Variants in ARK2N observed in about 807,000 individuals in gnomAD.
ARK2N encodes protein ARK2N.
At chr18:46,188,565 C>T in the ARK2N span, among the ~76,000 whole-genome samples, 14 of 151,980 alleles carry the variant, frequency 9.2e-5, no homozygotes, top group Admixed American at 4.6e-4. Context: ...ACGCTGGTCT[C>T]GAACTCCTGA....
At chr18:46,209,399 TC>T in the ARK2N span, among the ~76,000 whole-genome samples, 2 of 152,012 alleles carry the variant, frequency 1.3e-5, no homozygotes, top group African/African-American at 4.8e-5. Context: ...ACTTTTCTCT[TC>T]CAGATTTTCA....
At chr18:46,176,328 G>A in the ARK2N span, among the ~76,000 whole-genome samples, 1 of 152,104 alleles carries the variant, frequency 6.6e-6, no homozygotes, top group African/African-American at 2.4e-5. Flanking sequence ...CAAACCTTTG[G>A]TAAATCATCT....
the ARK2N span, among the ~76,000 whole-genome samples, chr18:46,229,382 C>G: frequency 6.6e-6 from 1 of 152,002 alleles, no homozygotes; most frequent in Non-Finnish European, 1.5e-5. Flanking sequence ...GAGTCTCGCT[C>G]TGTCGTCCAG....
chr18:46,217,778 G>A, the ARK2N span: 1 of 152,030 alleles, frequency 6.6e-6, no homozygotes, highest in South Asian at 2.1e-4. Context: ...GCTTTTTACT[G>A]TTTTAATATC....
At chr18:46,198,191 C>T in the ARK2N span, among the ~76,000 whole-genome samples, 1 of 151,596 alleles carries the variant, frequency 6.6e-6, no homozygotes, top group East Asian at 1.9e-4. Context: ...GTCCCAGCTA[C>T]CTGGGAAGCT....
the ARK2N span, among the ~76,000 whole-genome samples, chr18:46,251,382 CAG>C: frequency 3.9e-5 from 6 of 152,284 alleles, no homozygotes; most frequent in East Asian, 5.8e-4. Flanking sequence ...TTTAATAAAA[CAG>C]AGTTTTATCT....
the ARK2N span, chr18:46,231,776 CAG>C: frequency 6.8e-6 from 1 of 147,626 alleles, no homozygotes; most frequent in African/African-American, 2.5e-5. Context: ...TTTTTTGAGA[CAG>C]AGTTTTGCTC....
chr18:46,202,009 C>T, the ARK2N span, among the ~76,000 whole-genome samples: 1 of 152,184 alleles, frequency 6.6e-6, no homozygotes, highest in East Asian at 1.9e-4. Flanking sequence ...AACTCCTGAC[C>T]TCAGGTGGTC....
chr18:46,218,068 T>G, the ARK2N span: 2 of 152,352 alleles, frequency 1.3e-5, no homozygotes, highest in African/African-American at 4.8e-5. Flanking sequence ...CAGGATTTTA[T>G]GTAACTACCC....
At chr18:46,207,861 A>G in the ARK2N span, among the ~76,000 whole-genome samples, 349 of 152,222 alleles carry the variant, frequency 2.3e-3, 2 homozygotes, top group Middle Eastern at 0.031. Flanking sequence ...TGATTTCAAC[A>G]TTCTTTGGCT....
At chr18:46,207,192 A>G in the ARK2N span, among the ~76,000 whole-genome samples, 2 of 152,096 alleles carry the variant, frequency 1.3e-5, no homozygotes, top group Non-Finnish European at 2.9e-5. Context: ...ACCTACTTCC[A>G]TGGTTGTACC....
At chr18:46,245,918 C>T in the ARK2N span, among the ~76,000 whole-genome samples, 1 of 152,116 alleles carries the variant, frequency 6.6e-6, no homozygotes, top group Non-Finnish European at 1.5e-5. Flanking sequence ...TTGAAAAGGT[C>T]TGTAGTGGGA....
At chr18:46,184,226 G>T in the ARK2N span, among the ~76,000 whole-genome samples, 1 of 152,120 alleles carries the variant, frequency 6.6e-6, no homozygotes, top group Non-Finnish European at 1.5e-5. Context: ...TCCTGACCTC[G>T]TGATCTGCCT....
chr18:46,253,586 A>T, the ARK2N span: 1 of 1,358,628 alleles, frequency 7.4e-7, no homozygotes, highest in Non-Finnish European at 1.0e-6. Flanking sequence ...TCACAGGGTG[A>T]TTCTGTTTCT....
At chr18:46,253,970 A>G in the ARK2N span, 1 of 963,080 alleles carries the variant, frequency 1.0e-6, no homozygotes, top group African/African-American at 1.7e-5. Context: ...TTTAAGAAAC[A>G]CTTTTTGTTT....
the ARK2N span, chr18:46,266,917 T>G: frequency 6.6e-6 from 1 of 152,530 alleles, no homozygotes; most frequent in East Asian, 1.9e-4. Context: ...AGATTTTCTG[T>G]TTTTTGAAAT....
the ARK2N span, among the ~76,000 whole-genome samples, chr18:46,219,838 G>A: frequency 6.6e-6 from 1 of 152,128 alleles, no homozygotes; most frequent in Non-Finnish European, 1.5e-5. Context: ...TATGATTAGA[G>A]TATTACTGTT....
chr18:46,252,674 C>T, the ARK2N span, among the ~76,000 whole-genome samples: 1 of 151,676 alleles, frequency 6.6e-6, no homozygotes, highest in Non-Finnish European at 1.5e-5. Flanking sequence ...ATAAAAATAC[C>T]CTTTAGAGGG....
chr18:46,190,283 G>C, the ARK2N span, among the ~76,000 whole-genome samples: 7 of 151,996 alleles, frequency 4.6e-5, no homozygotes, highest in African/African-American at 1.7e-4. Context: ...ACTTTGGGAG[G>C]CCGAGGCGGG....
Sources: allele counts gnomAD v4.1 joint callset (sites outside exome capture counted in the v4.1 genomes callset), GRCh38; gene constraint gnomAD v4.1.1; transcripts MANE v1.5; gene names NCBI Gene and HGNC (gene_info 2026-07-23, HGNC 2026-07-21).